Variants in RORA observed in about 807,000 individuals in gnomAD.
RORA encodes the protein nuclear receptor ROR-alpha.
A neutral mutation model predicts 69.5 loss-of-function variants in RORA; 7 were observed. That is an observed-to-expected ratio of 0.10 (90% CI 0.06 to 0.19). The LOEUF (loss-of-function observed/expected upper bound fraction) is 0.19. RORA is among the 10% of genes least tolerant of loss of function. The probability of loss-of-function intolerance (pLI) is 1.00; values close to 1 mark genes in which losing one functional copy is unlikely to be tolerated. For synonymous variants in RORA, 261 were observed against 240.8 expected (o/e 1.08, Z -0.78); for missense variants, 457 against 663.0 (o/e 0.69, Z 3.41).
chr15:60,615,070 C>T (rs917415499), intron 2 of RORA: 1 of 1,589,218 alleles, frequency 6.3e-7, no homozygotes, highest in Non-Finnish European at 8.6e-7. Context: ...ACACAGCCCC[C>T]TTTCTGCTTC....
In RORA at chr15:60,502,740, G is replaced by T. The variant is rs778713486; in HGVS notation, c.1183+20C>A. 1 of 1,432,636 alleles carries T rather than the reference G, an allele frequency of 7.0e-7. No homozygotes were observed. Among genetic ancestry groups the T allele is most frequent in the Non-Finnish European group, 9.8e-7 (1 of 1,015,632 alleles). The allele number at this position is 1,432,636 out of a possible 1,614,324, so 88.7% of individuals were successfully genotyped here. A position where few individuals can be genotyped will look rare whatever the true frequency, so the allele number is the denominator to read the frequency against. ...CCTATAGCCCTGATTTGAAGAAAAGGCACCTTGATATCCCCTTACCTAAGG... is the reference window on the plus strand; with the variant it reads ...CCTATAGCCCTGATTTGAAGAAAAGTCACCTTGATATCCCCTTACCTAAGG... On this transcript the variant is annotated intron_variant, in intron 8 of 10. Coordinates refer to ENST00000335670, the MANE Select transcript of RORA (RefSeq NM_134261.3).
chr15:60,553,128 C>T (rs1420541456), intron 2 of RORA, among the ~76,000 whole-genome samples: 3 of 152,168 alleles, frequency 2.0e-5, no homozygotes, highest in Non-Finnish European at 1.5e-5. Context: ...ATTGTAACTG[C>T]TATTACTATT....
intron 1 of RORA, among the ~76,000 whole-genome samples, chr15:61,031,450 C>G (rs561799190): frequency 6.6e-6 from 1 of 152,144 alleles, no homozygotes; most frequent in South Asian, 2.1e-4. Flanking sequence ...TGAACCAGGA[C>G]TTGACTTAGC....
In RORA at chr15:60,665,086, C is replaced by T. The variant is rs897125914; in HGVS notation, c.196+13571G>A. Among the ~76,000 whole-genome samples the T allele has an allele frequency of 2.6e-4, 40 of 152,198 alleles. 1 individual carries two copies. The highest frequency in any genetic ancestry group is 2.6e-3 in the Admixed American group (39 of 15,274). ...TAGACCAGACAAACATAGCAAGTCA[C>T]GTGTTCTGACCTTGAACAAATAAAT... is the stretch of plus-strand genomic sequence containing the variant. On this transcript the variant is annotated intron_variant, in intron 2 of 10. Transcript: ENST00000335670.
At chr15:60,965,534 T>G (rs1048052329) in intron 1 of RORA, among the ~76,000 whole-genome samples, 2 of 152,182 alleles carry the variant, frequency 1.3e-5, no homozygotes, top group Admixed American at 6.5e-5. Context: ...TTGGAAGAAC[T>G]TAATATATCT....
chr15:60,541,600 T>C (rs970442330), intron 2 of RORA, among the ~76,000 whole-genome samples: 1 of 152,140 alleles, frequency 6.6e-6, no homozygotes, highest in African/African-American at 2.4e-5. Flanking sequence ...GAAAGGGAAA[T>C]ACAGAAAGAG....
At chr15:61,199,248 G>T (rs1331001836) in intron 1 of RORA, among the ~76,000 whole-genome samples, 2 of 150,948 alleles carry the variant, frequency 1.3e-5, no homozygotes. Context: ...GCCAATAGGG[G>T]CAGGAAAGAA....
At chr15:60,893,257 G>A (rs1173168169) in intron 1 of RORA, among the ~76,000 whole-genome samples, 1 of 152,206 alleles carries the variant, frequency 6.6e-6, no homozygotes, top group Non-Finnish European at 1.5e-5. Flanking sequence ...ATCCCAGGAT[G>A]CTCGACAGCA....
chr15:60,849,563 A>C (rs147250792), intron 1 of RORA, among the ~76,000 whole-genome samples: 277 of 152,294 alleles, frequency 1.8e-3, no homozygotes, highest in African/African-American at 5.6e-3. Flanking sequence ...AACATGGCCA[A>C]AGTATGGTTT....
At chr15:61,020,112 T>C (rs768324080) in intron 1 of RORA, among the ~76,000 whole-genome samples, 5 of 152,214 alleles carry the variant, frequency 3.3e-5, no homozygotes, top group Non-Finnish European at 5.9e-5. Context: ...CTCTGAATGC[T>C]GCATCTTCCT....
intron 1 of RORA, among the ~76,000 whole-genome samples, chr15:61,216,635 G>A (rs1373033673): frequency 6.6e-6 from 1 of 152,142 alleles, no homozygotes; most frequent in Non-Finnish European, 1.5e-5. Flanking sequence ...GTGCCTGGAT[G>A]GGGCAGCCAG....
chr15:61,215,547 C>A (rs760555721), intron 1 of RORA, among the ~76,000 whole-genome samples: 7 of 152,120 alleles, frequency 4.6e-5, no homozygotes, highest in African/African-American at 7.2e-5. Context: ...ATATGTGTCC[C>A]CATTCATAAT....
chr15:60,676,121 AC>A (rs1203054487), intron 2 of RORA, among the ~76,000 whole-genome samples: 8 of 152,216 alleles, frequency 5.3e-5, no homozygotes, highest in African/African-American at 1.9e-4. Flanking sequence ...TTAAAAAAAA[AC>A]GTATAGGCAA....
chr15:61,219,326 G>A (rs1237355169), intron 1 of RORA, among the ~76,000 whole-genome samples: 1 of 152,218 alleles, frequency 6.6e-6, no homozygotes, highest in Non-Finnish European at 1.5e-5. Context: ...TGTAATCCCA[G>A]CACTTTGGGA....
At chr15:60,922,345 G>T (rs1182546191) in intron 1 of RORA, among the ~76,000 whole-genome samples, 1 of 152,084 alleles carries the variant, frequency 6.6e-6, no homozygotes, top group Non-Finnish European at 1.5e-5. Context: ...AATGATGTTG[G>T]TTCATTGATT....
chr15:61,095,214 T>C (rs2078771366), intron 1 of RORA, among the ~76,000 whole-genome samples: 1 of 152,156 alleles, frequency 6.6e-6, no homozygotes, highest in African/African-American at 2.4e-5. Context: ...AGGGATAAGC[T>C]AGAATGCTCA....
At chr15:60,625,473 C>G (rs2069551472) in intron 2 of RORA, among the ~76,000 whole-genome samples, 1 of 152,170 alleles carries the variant, frequency 6.6e-6, no homozygotes, top group South Asian at 2.1e-4. Flanking sequence ...TCCTGTACCT[C>G]TATTTGCATA....
chr15:60,575,140 C>G (rs2067988706), intron 2 of RORA, among the ~76,000 whole-genome samples: 1 of 151,912 alleles, frequency 6.6e-6, no homozygotes, highest in Non-Finnish European at 1.5e-5. Flanking sequence ...CAGCCTTAAC[C>G]TAGGGCCAGA....
intron 1 of RORA, among the ~76,000 whole-genome samples, chr15:60,708,588 G>T (rs538188440): frequency 4.3e-4 from 65 of 152,276 alleles, no homozygotes; most frequent in Non-Finnish European, 7.5e-4. Context: ...GGGCTATGAA[G>T]GAATTTTCCA....
Sources: allele counts gnomAD v4.1 joint callset (sites outside exome capture counted in the v4.1 genomes callset), GRCh38; gene constraint gnomAD v4.1.1; transcripts MANE v1.5; gene names NCBI Gene and HGNC (gene_info 2026-07-23, HGNC 2026-07-21).